The following ZNF112 variants were observed in gnomAD, a reference collection of about 807,000 sequenced individuals.
ZNF112 encodes the protein zinc finger protein 112, also known as zinc finger protein 112 (Y14).
A neutral mutation model predicts 77.7 loss-of-function variants in ZNF112; 37 were observed. That is an observed-to-expected ratio of 0.48 (90% CI 0.37 to 0.63). The LOEUF (loss-of-function observed/expected upper bound fraction) is 0.63. Among genes scored for constraint, ZNF112 ranks in the 20% least tolerant of loss-of-function variants. The probability of loss-of-function intolerance (pLI) is 0.00; values close to 1 mark genes in which losing one functional copy is unlikely to be tolerated. For missense variants in ZNF112, 950 were observed against 1,077.4 expected, an observed-to-expected ratio of 0.88 and a Z score of 1.66; for synonymous variants, 333 against 363.6, an observed-to-expected ratio of 0.92 and a Z score of 0.96.
intron 3 of ZNF112, among the ~76,000 whole-genome samples, chr19:44,333,300 G>A (rs183332651): frequency 8.6e-5 from 13 of 152,004 alleles, no homozygotes; most frequent in Non-Finnish European, 1.6e-4. Context: ...AAAGCTAAGC[G>A]AGAACATCAG....
chr19:44,352,082 G>A (rs1014443634), intron 1 of ZNF112, among the ~76,000 whole-genome samples: 1 of 151,992 alleles, frequency 6.6e-6, no homozygotes, highest in Non-Finnish European at 1.5e-5. Flanking sequence ...TTAAGAGTTG[G>A]GGAAGAGTTT....
chr19:44,333,252 A>G (rs1340783918), intron 3 of ZNF112, among the ~76,000 whole-genome samples: 1 of 152,224 alleles, frequency 6.6e-6, no homozygotes, highest in Non-Finnish European at 1.5e-5. Context: ...AGAGAAAAAA[A>G]ATCTTTGTTT....
At chr19:44,342,510 G>A (rs1446384704) in intron 1 of ZNF112, among the ~76,000 whole-genome samples, 1 of 152,118 alleles carries the variant, frequency 6.6e-6, no homozygotes, top group Non-Finnish European at 1.5e-5. Context: ...AAAAGCTTGT[G>A]AGTTGGAAAT....
At position 44,328,397 on chromosome 19, in the gene ZNF112, T is replaced by A. The variant is rs879118713; in HGVS notation, c.1760A>T (p.Asn587Ile). ...TCTCTGATGGCCTTGAAGGTATGAA[T>A]TTCGACTGAACCCCTTCCCACATTC... ...CEECGKGFSR[N>I]SYLQGHQRVH... Residue 587 changes from asparagine (N) to isoleucine (I), a missense_variant, in exon 4 of 4, where the codon AAT (asparagine) becomes ATT (isoleucine). Asn to Ile is a moderately radical substitution (Grantham distance 149, BLOSUM62 -3). Transcript: ENST00000354340. The A allele has an allele frequency of 6.3e-7, 1 of 1,599,298 alleles. No individual in the cohort carries two copies. The highest frequency in any genetic ancestry group is 8.5e-7 in the Non-Finnish European group (1 of 1,174,962).
chr19:44,362,302 G>C (rs1291910037), intron 1 of ZNF112, among the ~76,000 whole-genome samples: 10 of 152,006 alleles, frequency 6.6e-5, no homozygotes, highest in Non-Finnish European at 1.2e-4. Flanking sequence ...AGGAGGAAGA[G>C]ACTCGTAGAG....
chr19:44,328,660 G>A lies in ZNF112; in HGVS notation c.1497C>T (p.Gly499=). Residue 499 remains glycine (G), a synonymous_variant, in exon 4 of 4, where the codon GGC becomes GGT. Transcript: ENST00000354340. ...CTTTAAGTTTTGAGCTCCAGTTGAA[G>A]CCATTCCCATGCTCCTTACGTGGTT... ...GEKPRKEHGN[G]FNWSSKLKDH... The A allele has an allele frequency of 6.2e-7, 1 of 1,614,104 alleles. No homozygotes were observed. Among genetic ancestry groups the A allele is most frequent in the Non-Finnish European group, 8.5e-7 (1 of 1,180,008 alleles).
chr19:44,346,006 C>G (rs1029810180), intron 1 of ZNF112, among the ~76,000 whole-genome samples: 4 of 152,164 alleles, frequency 2.6e-5, no homozygotes, highest in Non-Finnish European at 4.4e-5. Context: ...AGAAGAGACA[C>G]ACAAAAACAA....
At position 44,328,584 on chromosome 19, in the gene ZNF112, C is replaced by T. The variant is rs367874199; in HGVS notation, c.1573G>A (p.Gly525Ser). The change falls in exon 4 of 4, where the codon GGC (glycine) becomes AGC (serine). Residue 525 changes from glycine to serine, a missense_variant. By Grantham distance (56) the Gly-to-Ser change is moderately conservative (BLOSUM62 0). Coordinates refer to ENST00000354340, the MANE Select transcript of ZNF112 (RefSeq NM_013380.4). Reference sequence around the variant, plus strand: ...ACTGATCTATGATTGAAACCTTTGCCGCATATATTGCATTTGTATGGCTTC... The same window carrying T: ...ACTGATCTATGATTGAAACCTTTGCTGCATATATTGCATTTGTATGGCTTC... ...GQKPYKCNIC[G>S]KGFNHRSVLN... 440 of 1,614,022 alleles carry T rather than the reference C, an allele frequency of 2.7e-4. 3 individuals carry two copies. In the South Asian group the frequency reaches 3.7e-3, roughly 14 times the overall value.
chr19:44,347,381 T>C lies in ZNF112; in HGVS notation c.-3-6839A>G, dbSNP rs186920623. Among the ~76,000 whole-genome samples, 36 of 152,204 alleles carry C rather than the reference T, an allele frequency of 2.4e-4. 1 individual carries two copies. The highest frequency in any genetic ancestry group is 7.7e-4 in the African/African-American group (32 of 41,584). On this transcript the variant is annotated intron_variant, in intron 1 of 3. Transcript: ENST00000354340. Reference sequence around the variant, plus strand: ...AGGCCATTAGCATTTCCTATAATTATTGATATAGCTGGGTTTCTGTCTACC... The same window carrying C: ...AGGCCATTAGCATTTCCTATAATTACTGATATAGCTGGGTTTCTGTCTACC...
rs1423822580 is a variant in ZNF112, at chr19:44,343,404, G to T, written c.-3-2862C>A. 25 of 921,306 alleles carry T rather than the reference G, an allele frequency of 2.7e-5. 1 individual carries two copies. The highest frequency in any genetic ancestry group is 4.0e-5 in the Non-Finnish European group (24 of 598,486). The allele number at this position is 921,306 out of a possible 1,614,324, so 57.1% of individuals were successfully genotyped here. ...GGTGTCCCTTCCCCCAGCAGATGTG[G>T]CCACACACCGGCGTTAAGGAGCAGG... On this transcript the variant is annotated intron_variant, in intron 1 of 3. Coordinates refer to ENST00000354340, the MANE Select transcript of ZNF112 (RefSeq NM_013380.4).
At chr19:44,353,387 T>C (rs1970727398) in intron 1 of ZNF112, among the ~76,000 whole-genome samples, 1 of 152,060 alleles carries the variant, frequency 6.6e-6, no homozygotes, top group African/African-American at 2.4e-5. Flanking sequence ...ATAACATTGA[T>C]AAATTAGATG....
chr19:44,346,937 G>A (rs1324538322), intron 1 of ZNF112, among the ~76,000 whole-genome samples: 1 of 152,158 alleles, frequency 6.6e-6, no homozygotes, highest in African/African-American at 2.4e-5. Flanking sequence ...ATGTCAACGA[G>A]GTCAAGATGT....
At chr19:44,332,738 T>C (rs921804519) in intron 3 of ZNF112, among the ~76,000 whole-genome samples, 2 of 152,218 alleles carry the variant, frequency 1.3e-5, no homozygotes, top group African/African-American at 2.4e-5. Context: ...TAATTCATGA[T>C]ATAAAAATCT....
chr19:44,340,528 G>A lies in ZNF112; in HGVS notation c.12C>T (p.Phe4=), dbSNP rs1167422529. The change falls in exon 2 of 4, where the codon TTC becomes TTT. Residue 4 remains phenylalanine (F), a synonymous_variant. Coordinates refer to ENST00000354340, the MANE Select transcript of ZNF112 (RefSeq NM_013380.4). ...CAGTGAAGACCACAGCAACATCCTT[G>A]AATGTCACCATCTCCTACAATGCCA... is the stretch of plus-strand genomic sequence containing the variant. MVT[F]KDVAVVFTEE... is the part of the protein sequence containing the mutation. The A allele has an allele frequency of 1.2e-6, 2 of 1,613,862 alleles. No individual in the cohort carries two copies. The highest frequency in any genetic ancestry group is 1.7e-6 in the Non-Finnish European group (2 of 1,179,952).
At position 44,327,784 on chromosome 19, in the gene ZNF112, C is replaced by G. The variant is rs757510313; in HGVS notation, c.2373G>C (p.Arg791Ser). 1 of 1,613,706 alleles carries G rather than the reference C, an allele frequency of 6.2e-7. No homozygotes were observed. Among genetic ancestry groups the G allele is most frequent in the Non-Finnish European group, 8.5e-7 (1 of 1,179,910 alleles). The change falls in exon 4 of 4, where the codon AGG becomes AGC. Residue 791 changes from arginine to serine, a missense_variant. By Grantham distance (110) the Arg-to-Ser change is moderately radical (BLOSUM62 -1). This residue lies in a region of ZNF112 where 373 missense variants were observed against 482.8 expected (regional missense o/e 0.77). Coordinates refer to ENST00000354340, the MANE Select transcript of ZNF112 (RefSeq NM_013380.4). ...SESSRLQAHQ[R>S]VHVEGRPYKC... ...TATAGGGTCTCCCTTCCACATGAAC[C>G]CTTTGGTGTGCTTGAAGGCGTGAAC... is the stretch of plus-strand genomic sequence containing the variant.
At chr19:44,359,428 A>G (rs1402695049), upstream of ZNF112, among the ~76,000 whole-genome samples, 1 of 143,930 alleles carries the variant, frequency 6.9e-6, no homozygotes, top group Non-Finnish European at 1.5e-5. Context: ...GCTTCAAGCA[A>G]TTCTCCTGCC....
At chr19:44,341,950 G>A (rs936075551) in intron 1 of ZNF112, among the ~76,000 whole-genome samples, 6 of 152,114 alleles carry the variant, frequency 3.9e-5, no homozygotes, top group Admixed American at 2.6e-4. Context: ...TGAAACTCTT[G>A]GCCCAGAAAG....
chr19:44,330,098 C>T (rs962720702), intron 3 of ZNF112, among the ~76,000 whole-genome samples, 162 bp from the exon 4 acceptor site: 10 of 152,052 alleles, frequency 6.6e-5, no homozygotes, highest in Non-Finnish European at 1.3e-4. Context: ...TTTGGCTATA[C>T]CAGTTACAGG....
Position 44,327,806 on chromosome 19 carries a change from G to A in ZNF112, c.2351C>T (p.Ser784Leu), listed in dbSNP as rs568097419. ...AACCCTTTGGTGTGCTTGAAGGCGT[G>A]AACTCTCACTGAAACCCTTTGTACA... ...EVCTKGFSES[S>L]RLQAHQRVHV... Residue 784 changes from serine (S) to leucine (L), a missense_variant, in exon 4 of 4, where the codon TCA becomes TTA. Physicochemically the swap from Ser to Leu is moderately radical, Grantham distance 145. Around this residue, in one of 3 missense-constraint regions of ZNF112, gnomAD observed 373 missense variants for 482.8 expected, o/e 0.77. Coordinates refer to ENST00000354340, the MANE Select transcript of ZNF112 (RefSeq NM_013380.4). The A allele has an allele frequency of 5.0e-6, 8 of 1,613,768 alleles. No homozygotes were observed. The East Asian group carries it at 1.1e-4, about 22-fold the overall frequency.
Sources: allele counts gnomAD v4.1 joint callset (sites outside exome capture counted in the v4.1 genomes callset), GRCh38; gene constraint gnomAD v4.1.1; regional missense constraint gnomAD v4.1.1; transcripts MANE v1.5; gene names NCBI Gene and HGNC (gene_info 2026-07-23, HGNC 2026-07-21).